The following AGXT2 variants were observed in gnomAD, a reference collection of about 807,000 sequenced individuals.
AGXT2 encodes the protein alanine--glyoxylate aminotransferase 2, mitochondrial.
In AGXT2, 61 loss-of-function variants were observed where a neutral mutation model predicts 62.5. That is an observed-to-expected ratio of 0.98 (90% CI 0.79 to 1.21). The LOEUF is 1.21. Among genes scored for constraint, AGXT2 ranks in the 50% most tolerant of loss-of-function variants. AGXT2 has a pLI of 0.00. For synonymous variants in AGXT2, 243 were observed against 218.7 expected (o/e 1.11, Z -0.98); for missense variants, 666 against 641.5 (o/e 1.04, Z -0.41).
At chr5:35,011,706 G>T (rs1766647007) in intron 11 of AGXT2, among the ~76,000 whole-genome samples, 1 of 151,996 alleles carries the variant, frequency 6.6e-6, no homozygotes, top group Non-Finnish European at 1.5e-5. Flanking sequence ...ATGGAAAACA[G>T]TATGGAGATT....
At chr5:35,041,166 A>G (rs926217590) in intron 1 of AGXT2, among the ~76,000 whole-genome samples, 5 of 147,894 alleles carry the variant, frequency 3.4e-5, no homozygotes, top group Non-Finnish European at 7.4e-5. Flanking sequence ...GTGTTAGACA[A>G]TATACTAGAC....
chr5:35,039,208 T>A, intron 3 of AGXT2, 116 bp downstream of exon 3: 1 of 1,214,750 alleles, frequency 8.2e-7, no homozygotes, highest in Non-Finnish European at 1.2e-6. Flanking sequence ...TCAGCCACAA[T>A]CTGTCATAGA....
intron 7 of AGXT2, among the ~76,000 whole-genome samples, chr5:35,029,661 C>T (rs1408805068): frequency 6.6e-6 from 1 of 152,062 alleles, no homozygotes; most frequent in Non-Finnish European, 1.5e-5. Context: ...AGTGAGGAGC[C>T]AAGAAAGAAC....
intron 9 of AGXT2, among the ~76,000 whole-genome samples, chr5:35,023,902 TA>T (rs1767221296): frequency 6.6e-6 from 1 of 151,430 alleles, no homozygotes. Context: ...TTTATTTATT[TA>T]TTTATTTTGA....
chr5:35,001,572 G>A (rs776236519), intron 13 of AGXT2, among the ~76,000 whole-genome samples: 13 of 152,114 alleles, frequency 8.5e-5, no homozygotes, highest in Non-Finnish European at 1.8e-4. Context: ...TTATTTTATA[G>A]GCTTGTTGGG....
At chr5:35,025,446 G>C (rs1261922073) in intron 9 of AGXT2, among the ~76,000 whole-genome samples, 2 of 152,122 alleles carry the variant, frequency 1.3e-5, no homozygotes, top group African/African-American at 4.8e-5. Flanking sequence ...ATGTTTGTCA[G>C]CCCCTGAAAC....
chr5:35,034,401 C>G lies in AGXT2; in HGVS notation c.581+821G>C, dbSNP rs534183894. Among the ~76,000 whole-genome samples the G allele has an allele frequency of 2.0e-5, 3 of 152,234 alleles. No homozygotes were observed. In the East Asian group the frequency reaches 5.8e-4, roughly 29 times the overall value. ...CTTATTCCTGTAATAACAGCATGCT[C>G]ATTTGATATGGAATGTGCAGTATTG... On this transcript the variant is annotated intron_variant, in intron 5 of 13. Transcript: ENST00000231420.
At chr5:35,021,596 G>T (rs566292975) in intron 9 of AGXT2, among the ~76,000 whole-genome samples, 1 of 151,396 alleles carries the variant, frequency 6.6e-6, no homozygotes, top group Admixed American at 6.6e-5. Flanking sequence ...AGACTTAAAC[G>T]TTAGACCTAA....
At chr5:35,019,783 A>T (rs1294674144) in intron 9 of AGXT2, among the ~76,000 whole-genome samples, 2 of 152,188 alleles carry the variant, frequency 1.3e-5, no homozygotes, top group Middle Eastern at 3.2e-3. Flanking sequence ...TGAATCCAGG[A>T]GCTGGTTTTC....
intron 7 of AGXT2, among the ~76,000 whole-genome samples, chr5:35,029,766 G>A (rs1268163804): frequency 6.6e-6 from 1 of 152,204 alleles, no homozygotes; most frequent in Non-Finnish European, 1.5e-5. Context: ...AGTAGGTGAT[G>A]AGGAGTGAAT....
chr5:35,040,895 C>T (rs946259749), intron 1 of AGXT2, among the ~76,000 whole-genome samples: 1 of 152,036 alleles, frequency 6.6e-6, no homozygotes, highest in Non-Finnish European at 1.5e-5. Flanking sequence ...CTACGGCAGT[C>T]CCTCACAAAC....
intron 7 of AGXT2, among the ~76,000 whole-genome samples, chr5:35,030,504 G>T (rs930287203): frequency 3.7e-5 from 3 of 81,458 alleles, no homozygotes; most frequent in African/African-American, 9.7e-5. Flanking sequence ...GTGAGACTTT[G>T]TCTCAAAAAA....
chr5:35,015,261 T>C (rs163906), intron 9 of AGXT2, among the ~76,000 whole-genome samples: 148,119 of 152,256 alleles, frequency 0.97, 72,192 homozygotes, highest in Non-Finnish European at 1. Context: ...CTGTGTCTTA[T>C]TCCATTCTGT....
intron 13 of AGXT2, among the ~76,000 whole-genome samples, chr5:35,002,777 G>T (rs941647985): frequency 8.0e-5 from 6 of 75,288 alleles, no homozygotes; most frequent in African/African-American, 1.3e-4. Context: ...ATAGCAGGCT[G>T]GGGGGGGGGA....
At chr5:35,005,325 C>G (rs1766382133) in intron 12 of AGXT2, among the ~76,000 whole-genome samples, 1 of 152,142 alleles carries the variant, frequency 6.6e-6, no homozygotes, top group Admixed American at 6.6e-5. Flanking sequence ...GCCTCCTGGG[C>G]TCAAGTGATT....
rs188629231 is a variant in AGXT2, at chr5:34,998,258, C to T, written c.*461G>A. The T allele has an allele frequency of 9.4e-5, 18 of 192,154 alleles. No homozygotes were observed. The highest frequency in any genetic ancestry group is 3.2e-4 in the Admixed American group (6 of 18,690). The allele number at this position is 192,154 out of a possible 1,614,324, so 11.9% of individuals were successfully genotyped here. A position where few individuals can be genotyped will look rare whatever the true frequency, so the allele number is the denominator to read the frequency against. ...AAGGGTTGTCCTCATGACTACAAGC[C>T]GGCTGACATGGTGCCAGGAATCTCG... On this transcript the variant is annotated 3_prime_UTR_variant, in exon 14 of 14. Coordinates refer to ENST00000231420, the MANE Select transcript of AGXT2 (RefSeq NM_031900.4).
chr5:35,045,743 G>GT (rs927852553), intron 1 of AGXT2, among the ~76,000 whole-genome samples: 6 of 141,354 alleles, frequency 4.2e-5, no homozygotes, highest in African/African-American at 1.5e-4. Context: ...AGGTAGTGTG[G>GT]TTTTTTTCTT....
At chr5:35,044,997 A>G (rs2112301623) in intron 1 of AGXT2, among the ~76,000 whole-genome samples, 1 of 152,234 alleles carries the variant, frequency 6.6e-6, no homozygotes, top group Middle Eastern at 3.4e-3. Context: ...TTTGTGGGAG[A>G]GCAGGCATAT....
intron 13 of AGXT2, 46 bp downstream of exon 13, chr5:35,003,717 G>C: frequency 6.5e-7 from 1 of 1,534,650 alleles, no homozygotes; most frequent in Non-Finnish European, 9.0e-7. Flanking sequence ...GGAAATCAGA[G>C]AGACTCCTAC....
Sources: gnomAD v4.1 joint callset for allele counts (sites outside exome capture counted in the v4.1 genomes callset) on GRCh38, gnomAD v4.1.1 for gene constraint, MANE v1.5 for transcripts, NCBI Gene and HGNC (gene_info 2026-07-23, HGNC 2026-07-21) for gene names.